Variants in VWF observed in about 807,000 individuals in gnomAD.
VWF encodes Factor VIII related antigen.
VWF carries 176 observed loss-of-function variants against 308.6 expected under a neutral mutation model. The ratio of observed to expected loss-of-function variants is 0.57; its 90% CI spans 0.50 to 0.65. The LOEUF is 0.65. Ranked by LOEUF, VWF falls within the 30% of genes least tolerant of loss-of-function variation. The probability of loss-of-function intolerance (pLI) is 0.00; values close to 1 mark genes in which losing one functional copy is unlikely to be tolerated. For synonymous variants in VWF, 1,385 were observed against 1,443.4 expected (o/e 0.96, Z 0.92); for missense variants, 3,146 against 3,648.2 (o/e 0.86, Z 3.55).
At position 6,018,368 on chromosome 12, in the gene VWF, G is replaced by A; in HGVS notation, c.5050C>T (p.Pro1684Ser). The A allele has an allele frequency of 2.5e-6, 4 of 1,609,900 alleles. No individual in the cohort carries two copies. Among genetic ancestry groups the A allele is most frequent in the Non-Finnish European group, 3.4e-6 (4 of 1,179,160 alleles). The change falls in exon 28 of 52, where the codon CCT (proline) becomes TCT (serine). Residue 1684 changes from proline to serine, a missense_variant. Coordinates refer to ENST00000261405, the MANE Select transcript of VWF (RefSeq NM_000552.5). ...TGCACACAAGGTGCCAGCATACCAG[G>A]TGCAGGGGAGAGGGTGGGGATCTGC... Reference protein sequence around the residue: ...GLQIPTLSPAPDCSQPLDVIL... With the variant: ...GLQIPTLSPASDCSQPLDVIL...
At position 6,075,312 on chromosome 12, in the gene VWF, G is replaced by A. The variant is rs764849607; in HGVS notation, c.874+23C>T. The A allele has an allele frequency of 6.2e-7, 1 of 1,613,612 alleles. No individual in the cohort carries two copies. Among genetic ancestry groups the A allele is most frequent in the East Asian group, 2.2e-5 (1 of 44,878 alleles). The stretch of plus-strand genomic sequence containing the variant: ...AGACCGTTCATCCCCGGCAGGGCAG[G>A]ACGGGGCAGGGGGCCGACTTACTGC... On this transcript the variant is annotated intron_variant, in intron 7 of 51. Coordinates refer to ENST00000261405, the MANE Select transcript of VWF (RefSeq NM_000552.5). This position sits in a 1 kb window ranked among gnomAD's most constrained non-coding sequence, Gnocchi z 4.7.
At chr12:6,023,473 A>G (rs1944153311) in intron 25 of VWF, among the ~76,000 whole-genome samples, 158 bp downstream of exon 25, 1 of 152,170 alleles carries the variant, frequency 6.6e-6, no homozygotes, top group Admixed American at 6.5e-5. Context: ...TTACACAGCC[A>G]ATGTCTTAAC....
rs1944834057 is a variant in VWF, at chr12:6,075,607, G to A, written c.658-56C>T. Reference sequence around the variant, plus strand: ...GCTCCGTTAGTGTCTCCCTGAGTGTGGCACTGAGACTTAGCCCTGCTAGGG... The same window carrying A: ...GCTCCGTTAGTGTCTCCCTGAGTGTAGCACTGAGACTTAGCCCTGCTAGGG... On this transcript the variant is annotated intron_variant, in intron 6 of 51. Coordinates refer to ENST00000261405, the MANE Select transcript of VWF (RefSeq NM_000552.5). This position sits in a 1 kb window ranked among gnomAD's most constrained non-coding sequence, Gnocchi z 4.7. 6.4e-7 allele frequency: 1 copy of A among 1,567,354 alleles called. No individual in the cohort carries two copies. The highest frequency in any genetic ancestry group is 8.7e-7 in the Non-Finnish European group (1 of 1,153,354).
At chr12:5,961,589 CAA>C (rs71445686) in intron 47 of VWF, among the ~76,000 whole-genome samples, 515 of 124,814 alleles carry the variant, frequency 4.1e-3, no homozygotes, top group Middle Eastern at 8.1e-3. Flanking sequence ...TCTGCCCCCT[CAA>C]AAAAAAAAAA....
At chr12:6,055,568 T>C (rs1009373976) in intron 15 of VWF, among the ~76,000 whole-genome samples, 3 of 152,102 alleles carry the variant, frequency 2.0e-5, no homozygotes, top group Non-Finnish European at 4.4e-5. Flanking sequence ...TCGTCCTTAC[T>C]GTTGTCTCTG....
intron 26 of VWF, 102 bp downstream of exon 26, chr12:6,022,638 G>A (rs980065767): frequency 3.3e-6 from 1 of 299,284 alleles, no homozygotes; most frequent in African/African-American, 2.8e-5. Flanking sequence ...TCAGAGATAG[G>A]ACGTGGCAGG....
chr12:6,106,982 T>C (rs1945252423), intron 5 of VWF, among the ~76,000 whole-genome samples: 1 of 151,980 alleles, frequency 6.6e-6, no homozygotes, highest in Admixed American at 6.6e-5. Context: ...ATGTTTACAC[T>C]GGCTTTGTTC....
chr12:5,952,410 T>C lies in VWF; in HGVS notation c.8096A>G (p.His2699Arg), dbSNP rs886049736. ...RVTGCPPFDE[H>R]KCLAEGGKIM... The stretch of plus-strand genomic sequence containing the variant: ...ACTCACTCCCTCAGCCAGACACTTG[T>C]GTTCATCAAAGGGTGGGCAGCCTGT... Residue 2699 changes from histidine (H) to arginine (R), a missense_variant, in exon 49 of 52, where the codon CAC (histidine) becomes CGC (arginine). Physicochemically the swap from His to Arg is conservative, Grantham distance 29. Transcript: ENST00000261405. 14 of 1,614,074 alleles carry C rather than the reference T, an allele frequency of 8.7e-6. No individual in the cohort carries two copies. The highest frequency in any genetic ancestry group is 1.1e-5 in the Non-Finnish European group (13 of 1,179,944).
At chr12:5,993,164 C>T (rs1943764044) in intron 37 of VWF, among the ~76,000 whole-genome samples, 1 of 152,138 alleles carries the variant, frequency 6.6e-6, no homozygotes, top group Non-Finnish European at 1.5e-5. Context: ...ATATTGATTT[C>T]CCTCAAAAAA....
rs543857621 is a variant in VWF at position 6,066,984 on chromosome 12, T to C, written c.1157-1711A>G. Among the ~76,000 whole-genome samples the C allele has an allele frequency of 3.9e-5, 6 of 152,296 alleles. No homozygotes were observed. In the East Asian group the frequency reaches 1.2e-3, roughly 29 times the overall value. ...ACAGTGGATCCCTTCCAGGACAGCATGGGTCAGGAGGGCACATCCAGCCCA... is the reference window on the plus strand; with the variant it reads ...ACAGTGGATCCCTTCCAGGACAGCACGGGTCAGGAGGGCACATCCAGCCCA... On this transcript the variant is annotated intron_variant, in intron 10 of 51. Transcript: ENST00000261405.
At chr12:6,002,166 A>T (rs1230979102) in intron 34 of VWF, among the ~76,000 whole-genome samples, 3 of 152,018 alleles carry the variant, frequency 2.0e-5, no homozygotes, top group African/African-American at 7.2e-5. Flanking sequence ...GTTCCAATTA[A>T]ATAGAAAAGC....
chr12:6,039,439 C>T (rs1369188829), intron 18 of VWF, among the ~76,000 whole-genome samples: 1 of 152,218 alleles, frequency 6.6e-6, no homozygotes, highest in African/African-American at 2.4e-5. Context: ...CTTCCAACTG[C>T]CTCTCGTTCA....
chr12:5,999,857 G>A (rs1398476226), intron 34 of VWF, among the ~76,000 whole-genome samples: 1 of 151,862 alleles, frequency 6.6e-6, no homozygotes, highest in East Asian at 1.9e-4. Context: ...AACTTGGTGG[G>A]GGTGGGTAAT....
chr12:5,962,223 C>T (rs1943326977), intron 47 of VWF, among the ~76,000 whole-genome samples: 1 of 152,172 alleles, frequency 6.6e-6, no homozygotes, highest in African/African-American at 2.4e-5. Flanking sequence ...ATACTATGTT[C>T]ATAAATTGAA....
At chr12:6,115,321 G>A (rs1945350967) in intron 3 of VWF, among the ~76,000 whole-genome samples, 1 of 152,222 alleles carries the variant, frequency 6.6e-6, no homozygotes, top group Non-Finnish European at 1.5e-5. Context: ...TTATAGGCAT[G>A]AGTAACTGTG....
chr12:6,089,126 G>A (rs886268763), intron 6 of VWF, among the ~76,000 whole-genome samples: 3 of 152,178 alleles, frequency 2.0e-5, no homozygotes, highest in Non-Finnish European at 4.4e-5. Flanking sequence ...TAAATGATGC[G>A]GCATTTACCA....
At chr12:6,110,701 G>T (rs1166262247) in intron 4 of VWF, 119 bp from the exon 5 acceptor site, 3 of 1,328,656 alleles carry the variant, frequency 2.3e-6, no homozygotes, top group Non-Finnish European at 3.2e-6. Flanking sequence ...AGTGGCTGAG[G>T]ACCTAGATCA....
At chr12:6,117,707 C>T (rs809514) in intron 3 of VWF, among the ~76,000 whole-genome samples, 26 of 152,082 alleles carry the variant, frequency 1.7e-4, no homozygotes, top group Non-Finnish European at 1.8e-4. Context: ...CCCAGCTACT[C>T]GGGAGGCTGA....
intron 3 of VWF, among the ~76,000 whole-genome samples, chr12:6,115,020 G>A (rs1032910809): frequency 6.6e-6 from 1 of 152,248 alleles, no homozygotes; most frequent in Non-Finnish European, 1.5e-5. Flanking sequence ...CGGAGCAGGG[G>A]AGTGGCAAGG....
Sources: allele counts gnomAD v4.1 joint callset (sites outside exome capture counted in the v4.1 genomes callset), GRCh38; gene constraint gnomAD v4.1.1; non-coding constraint Gnocchi (gnomAD v3.1); transcripts MANE v1.5; gene names NCBI Gene and HGNC (gene_info 2026-07-23, HGNC 2026-07-21).